The following RSRC1 variants were observed in gnomAD, a reference collection of about 807,000 sequenced individuals.
RSRC1 encodes arginine and serine rich coiled-coil 1, also known as serine/Arginine-related protein 53.
RSRC1 carries 39 observed loss-of-function variants against 49.1 expected under a neutral mutation model. The observed-to-expected ratio is 0.79, with a 90% CI of 0.61 to 1.04. The LOEUF (loss-of-function observed/expected upper bound fraction) is 1.04. Among genes scored for constraint, RSRC1 ranks in the 50% least tolerant of loss-of-function variants. The pLI is 0.00. For synonymous variants in RSRC1, 143 were observed against 130.8 expected (o/e 1.09, Z -0.63); for missense variants, 388 against 402.4 (o/e 0.96, Z 0.31).
chr3:158,246,414 G>A (rs964695551), intron 4 of RSRC1, among the ~76,000 whole-genome samples: 7 of 151,518 alleles, frequency 4.6e-5, no homozygotes, highest in Admixed American at 2.0e-4. Flanking sequence ...AAAAAGGATA[G>A]CATTGTTATG....
intron 7 of RSRC1, among the ~76,000 whole-genome samples, chr3:158,480,735 A>G (rs959562839): frequency 1.3e-5 from 2 of 151,976 alleles, no homozygotes; most frequent in Non-Finnish European, 2.9e-5. Context: ...ATAAACAAAA[A>G]CTTTGTGCAT....
At chr3:158,321,990 C>T (rs1355031638) in intron 5 of RSRC1, among the ~76,000 whole-genome samples, 2 of 151,770 alleles carry the variant, frequency 1.3e-5, no homozygotes, top group Non-Finnish European at 2.9e-5. Context: ...CACACACACA[C>T]ACACACACAC....
intron 7 of RSRC1, among the ~76,000 whole-genome samples, chr3:158,471,787 G>T (rs1313495674): frequency 1.3e-5 from 2 of 152,034 alleles, no homozygotes; most frequent in African/African-American, 4.8e-5. Flanking sequence ...GAGAGGAAAG[G>T]AAAGAATTTA....
chr3:158,241,568 A>T (rs898141128), intron 4 of RSRC1, among the ~76,000 whole-genome samples: 2 of 152,064 alleles, frequency 1.3e-5, no homozygotes, highest in Non-Finnish European at 2.9e-5. Flanking sequence ...TGCAGAGCTT[A>T]AAATGCTAGT....
At chr3:158,129,748 G>A (rs77183615) in intron 3 of RSRC1, among the ~76,000 whole-genome samples, 2,367 of 152,202 alleles carry the variant, frequency 0.016, 83 homozygotes, top group African/African-American at 0.054. Flanking sequence ...TGGTTCTATA[G>A]TAAGTCTTAA....
At chr3:158,122,372 T>A in intron 2 of RSRC1, 74 bp downstream of exon 2, 1 of 1,145,458 alleles carries the variant, frequency 8.7e-7, no homozygotes, top group Non-Finnish European at 1.2e-6. Flanking sequence ...GTATTTTTAA[T>A]TTTGCTAGAT....
At chr3:158,297,605 G>A (rs550703065) in intron 4 of RSRC1, among the ~76,000 whole-genome samples, 1 of 151,894 alleles carries the variant, frequency 6.6e-6, no homozygotes, top group South Asian at 2.1e-4. Flanking sequence ...TTGGTGGATG[G>A]ATATTTGAGA....
intron 3 of RSRC1, among the ~76,000 whole-genome samples, chr3:158,166,015 C>G (rs776595451): frequency 6.6e-5 from 10 of 152,116 alleles, no homozygotes; most frequent in Non-Finnish European, 1.3e-4. Context: ...AAGAAGTAGT[C>G]AAATCCAATT....
At chr3:158,323,159 T>G (rs1031501828) in intron 5 of RSRC1, among the ~76,000 whole-genome samples, 1 of 152,152 alleles carries the variant, frequency 6.6e-6, no homozygotes, top group South Asian at 2.1e-4. Flanking sequence ...TTCTGAGTAT[T>G]TTAGGGTTTT....
chr3:158,416,991 T>C (rs1734770183), intron 6 of RSRC1, among the ~76,000 whole-genome samples: 1 of 152,082 alleles, frequency 6.6e-6, no homozygotes, highest in African/African-American at 2.4e-5. Flanking sequence ...ATATTTCTTA[T>C]AATTTTCACT....
Position 158,229,217 on chromosome 3 carries a change from CACAT to C in RSRC1, c.494+25976_494+25979del, listed in dbSNP as rs1559952381. Among the ~76,000 whole-genome samples the C allele has an allele frequency of 1.0e-3, 72 of 71,782 alleles. 1 individual carries two copies. Among genetic ancestry groups the C allele is most frequent in the African/African-American group, 3.3e-3 (69 of 20,666 alleles). 47.1% of individuals were successfully genotyped at this position (71,782 alleles called of 152,430 possible). ...ACATATATGTGTATATATGTATACA[CACAT>C]ACACGTATATGTGTATGTATGTATA... On this transcript the variant is annotated intron_variant, in intron 4 of 9. Transcript: ENST00000611884.
chr3:158,238,426 A>G (rs145049570), intron 4 of RSRC1, among the ~76,000 whole-genome samples: 31,399 of 152,182 alleles, frequency 0.21, 4,043 homozygotes, highest in Non-Finnish European at 0.29. Flanking sequence ...CTAAGCCAAA[A>G]GAACAAAGCT....
At chr3:158,525,063 T>C (rs1711922560) in intron 7 of RSRC1, among the ~76,000 whole-genome samples, 1 of 152,008 alleles carries the variant, frequency 6.6e-6, no homozygotes, top group African/African-American at 2.4e-5. Flanking sequence ...TTTTTTAAAA[T>C]GATAGATTAT....
intron 6 of RSRC1, among the ~76,000 whole-genome samples, chr3:158,418,786 G>A (rs1054323289): frequency 4.0e-5 from 6 of 151,880 alleles, no homozygotes; most frequent in East Asian, 3.9e-4. Flanking sequence ...CTAATTACTC[G>A]CTGTAGTGCT....
At chr3:158,450,693 G>T (rs1487349279) in intron 6 of RSRC1, among the ~76,000 whole-genome samples, 1 of 151,830 alleles carries the variant, frequency 6.6e-6, no homozygotes, top group Non-Finnish European at 1.5e-5. Flanking sequence ...AATTTTTAAT[G>T]AATTTGATAA....
intron 6 of RSRC1, among the ~76,000 whole-genome samples, chr3:158,355,843 C>T (rs1252280578): frequency 6.6e-6 from 1 of 151,796 alleles, no homozygotes; most frequent in Non-Finnish European, 1.5e-5. Context: ...ATGGGTAGTA[C>T]AAAACCCTGT....
At chr3:158,188,897 T>C (rs779729972) in intron 3 of RSRC1, among the ~76,000 whole-genome samples, 22 of 152,038 alleles carry the variant, frequency 1.4e-4, no homozygotes, top group African/African-American at 5.3e-4. Flanking sequence ...CTCTTTGAGA[T>C]GGATGCTTAG....
intron 3 of RSRC1, among the ~76,000 whole-genome samples, chr3:158,165,060 AATGGCCTCACCTT>A (rs1430923058): frequency 6.6e-6 from 1 of 152,166 alleles, no homozygotes; most frequent in Non-Finnish European, 1.5e-5. Context: ...ATGCAACCAA[AATGGCCTCACCTT>A]ATGGCTAGTT....
chr3:158,240,551 C>T (rs1240818028), intron 4 of RSRC1, among the ~76,000 whole-genome samples: 2 of 152,138 alleles, frequency 1.3e-5, no homozygotes, highest in Non-Finnish European at 2.9e-5. Flanking sequence ...TGATTTTTAA[C>T]AATCTTCCTG....
Sources: allele counts gnomAD v4.1 joint callset (sites outside exome capture counted in the v4.1 genomes callset), GRCh38; gene constraint gnomAD v4.1.1; transcripts MANE v1.5; gene names NCBI Gene and HGNC (gene_info 2026-07-23, HGNC 2026-07-21).